SMYD3: variants seen among roughly 807,000 people sequenced by gnomAD.
SMYD3 encodes the protein histone-lysine N-methyltransferase SMYD3.
SMYD3 carries 36 observed loss-of-function variants against 57.7 expected under a neutral mutation model. The observed-to-expected ratio is 0.62, with a 90% confidence interval of 0.48 to 0.82. The LOEUF (loss-of-function observed/expected upper bound fraction) is 0.82. Ranked by LOEUF, SMYD3 falls within the 40% of genes least tolerant of loss-of-function variation. The probability of loss-of-function intolerance (pLI) is 0.00; values close to 1 mark genes in which losing one functional copy is unlikely to be tolerated. For missense variants in SMYD3, 515 were observed against 538.8 expected, an observed-to-expected ratio of 0.96 and a Z score of 0.44; for synonymous variants, 211 against 195.0, an observed-to-expected ratio of 1.08 and a Z score of -0.68.
intron 5 of SMYD3, among the ~76,000 whole-genome samples, chr1:245,997,839 A>G (rs762796312): frequency 6.6e-5 from 10 of 152,184 alleles, no homozygotes; most frequent in Non-Finnish European, 1.2e-4. Flanking sequence ...GCTGGGAGAA[A>G]GATCAGCCAT....
chr1:246,217,848 T>C (rs2063189030), intron 5 of SMYD3, among the ~76,000 whole-genome samples: 1 of 152,050 alleles, frequency 6.6e-6, no homozygotes, highest in Non-Finnish European at 1.5e-5. Context: ...ACGAATGAAG[T>C]CAACTTTCAG....
intron 8 of SMYD3, among the ~76,000 whole-genome samples, chr1:245,887,421 G>A (rs760244014): frequency 3.6e-4 from 55 of 152,276 alleles, no homozygotes; most frequent in Non-Finnish European, 6.6e-4. Context: ...TGCTGTGTGT[G>A]GAGGAGTCAT....
At chr1:246,259,587 G>C (rs1391287926) in intron 5 of SMYD3, among the ~76,000 whole-genome samples, 1 of 152,174 alleles carries the variant, frequency 6.6e-6, no homozygotes, top group Non-Finnish European at 1.5e-5. Flanking sequence ...GCCAGTAGAT[G>C]ATGCTTATAG....
intron 5 of SMYD3, among the ~76,000 whole-genome samples, chr1:246,012,235 C>A (rs952099012): frequency 3.9e-5 from 6 of 152,194 alleles, no homozygotes; most frequent in Admixed American, 3.3e-4. Flanking sequence ...GAAAACCACA[C>A]ACCATGACAA....
intron 10 of SMYD3, among the ~76,000 whole-genome samples, chr1:245,807,538 G>A (rs2048243527): frequency 6.6e-6 from 1 of 152,184 alleles, no homozygotes; most frequent in South Asian, 2.1e-4. Flanking sequence ...TGGCAGCAGA[G>A]AGAGAATTAC....
chr1:246,189,945 TAACA>T (rs1245449483), intron 5 of SMYD3, among the ~76,000 whole-genome samples: 1 of 152,176 alleles, frequency 6.6e-6, no homozygotes, highest in Non-Finnish European at 1.5e-5. Context: ...ACTGGCACCG[TAACA>T]AACAAGGGGA....
At chr1:245,751,930 G>A (rs965012680) in intron 11 of SMYD3, among the ~76,000 whole-genome samples, 2 of 152,222 alleles carry the variant, frequency 1.3e-5, no homozygotes, top group South Asian at 2.1e-4. Flanking sequence ...CCAGCTCTAT[G>A]AGATTCCCCT....
intron 8 of SMYD3, among the ~76,000 whole-genome samples, chr1:245,885,796 C>A (rs1411104025): frequency 3.3e-5 from 5 of 152,104 alleles, no homozygotes; most frequent in South Asian, 2.1e-4. Context: ...TTAGTATCCA[C>A]AATTTTTACA....
In SMYD3 at chr1:246,032,047, A is replaced by G. The variant is rs77791694; in HGVS notation, c.532-102110T>C. ...CAATTTTGTGGCTGTAATTTTCTCA[A>G]ACTGCTTAATAAAACCTTCTCCTTT... On this transcript the variant is annotated intron_variant, in intron 5 of 11. Coordinates refer to ENST00000490107, the MANE Select transcript of SMYD3 (RefSeq NM_001167740.2). Among the ~76,000 whole-genome samples, 388 of 152,268 alleles carry G rather than the reference A, an allele frequency of 2.5e-3. 3 individuals carry two copies. Among genetic ancestry groups the G allele is most frequent in the African/African-American group, 8.6e-3 (359 of 41,542 alleles).
chr1:245,853,845 T>C (rs2051102479), intron 10 of SMYD3, among the ~76,000 whole-genome samples: 1 of 152,160 alleles, frequency 6.6e-6, no homozygotes, highest in African/African-American at 2.4e-5. Context: ...CCAGCTGCAT[T>C]ATACTTCCAC....
At chr1:246,091,496 A>G (rs2060823333) in intron 5 of SMYD3, among the ~76,000 whole-genome samples, 1 of 151,108 alleles carries the variant, frequency 6.6e-6, no homozygotes, top group Admixed American at 6.6e-5. Context: ...TCAGCACAAA[A>G]AAAAAAAAAA....
At chr1:246,031,875 C>CA (rs2059684185) in intron 5 of SMYD3, among the ~76,000 whole-genome samples, 1 of 151,828 alleles carries the variant, frequency 6.6e-6, no homozygotes, top group African/African-American at 2.4e-5. Context: ...AATTCAGAAA[C>CA]AATATTTAGG....
chr1:246,437,520 A>G (rs1222075539), intron 1 of SMYD3, among the ~76,000 whole-genome samples: 1 of 152,220 alleles, frequency 6.6e-6, no homozygotes, highest in East Asian at 1.9e-4. Context: ...GATGGGTTAA[A>G]AAACAAAAGT....
chr1:246,407,868 T>TAAA (rs1553342884), intron 1 of SMYD3, among the ~76,000 whole-genome samples: 1 of 149,730 alleles, frequency 6.7e-6, no homozygotes, highest in Non-Finnish European at 1.5e-5. Context: ...AATAAATAAA[T>TAAA]TATATATATA....
chr1:246,298,450 A>C (rs2064834948), intron 5 of SMYD3, among the ~76,000 whole-genome samples: 1 of 152,182 alleles, frequency 6.6e-6, no homozygotes, highest in South Asian at 2.1e-4. Context: ...AGAAAGCTGA[A>C]TATAAAGAGG....
chr1:245,864,859 G>A (rs2051744528), intron 8 of SMYD3, among the ~76,000 whole-genome samples: 1 of 152,076 alleles, frequency 6.6e-6, no homozygotes, highest in African/African-American at 2.4e-5. Context: ...ACCTTATTAA[G>A]TATAAAGTAC....
intron 1 of SMYD3, among the ~76,000 whole-genome samples, chr1:246,385,032 T>C (rs2066451947): frequency 6.6e-6 from 1 of 152,136 alleles, no homozygotes; most frequent in South Asian, 2.1e-4. Flanking sequence ...ATGAAACAAA[T>C]CAAAATCATG....
chr1:245,828,032 A>G (rs1272878282), intron 10 of SMYD3, among the ~76,000 whole-genome samples: 2 of 152,240 alleles, frequency 1.3e-5, no homozygotes, highest in Non-Finnish European at 2.9e-5. Context: ...ATATGAAAGT[A>G]CTACCTTTTT....
At chr1:246,297,977 G>A (rs12407685) in intron 5 of SMYD3, among the ~76,000 whole-genome samples, 26,817 of 152,026 alleles carry the variant, frequency 0.18, 2,652 homozygotes, top group East Asian at 0.3. Context: ...GTGCTTTTCA[G>A]TATGATGAAT....
Sources: gnomAD v4.1 joint callset for allele counts (sites outside exome capture counted in the v4.1 genomes callset) on GRCh38, gnomAD v4.1.1 for gene constraint, MANE v1.5 for transcripts, NCBI Gene and HGNC (gene_info 2026-07-23, HGNC 2026-07-21) for gene names.